ADGRG6: variants seen among roughly 807,000 people sequenced by gnomAD.
ADGRG6 encodes G-protein coupled receptor 126.
ADGRG6 carries 84 observed loss-of-function variants against 142.4 expected under a neutral mutation model. That is an observed-to-expected ratio of 0.59 (90% CI 0.49 to 0.71). ADGRG6 has a LOEUF of 0.71. ADGRG6 is among the 30% of genes least tolerant of loss of function. The probability of loss-of-function intolerance (pLI) is 0.00; values close to 1 mark genes in which losing one functional copy is unlikely to be tolerated. For synonymous variants in ADGRG6, 521 were observed against 520.5 expected (o/e 1.00, Z -0.01); for missense variants, 1,367 against 1,466.6 (o/e 0.93, Z 1.11).
intron 4 of ADGRG6, among the ~76,000 whole-genome samples, chr6:142,374,655 G>T (rs1445538799): frequency 6.6e-6 from 1 of 152,090 alleles, no homozygotes; most frequent in African/African-American, 2.4e-5. Flanking sequence ...CCTTTATACG[G>T]GCCAGGAAAC....
At chr6:142,389,605 T>C (rs953887353) in intron 6 of ADGRG6, among the ~76,000 whole-genome samples, 2 of 151,934 alleles carry the variant, frequency 1.3e-5, no homozygotes, top group African/African-American at 4.8e-5. Flanking sequence ...TTTTATTTTC[T>C]TTTTCAAGTG....
chr6:142,358,114 A>G (rs1424548477), intron 2 of ADGRG6, among the ~76,000 whole-genome samples: 1 of 152,206 alleles, frequency 6.6e-6, no homozygotes, highest in Non-Finnish European at 1.5e-5. Context: ...ATTAGCTTTT[A>G]TGAAGCTAAG....
At chr6:142,411,901 G>C (rs1776108230) in intron 18 of ADGRG6, among the ~76,000 whole-genome samples, 2 of 152,080 alleles carry the variant, frequency 1.3e-5, no homozygotes, top group Admixed American at 6.6e-5. Flanking sequence ...CTCCCTCCTA[G>C]AGATTGCAGT....
intron 24 of ADGRG6, among the ~76,000 whole-genome samples, chr6:142,440,345 C>T (rs1455346592): frequency 6.6e-6 from 1 of 151,982 alleles, no homozygotes. Context: ...GGCTGGAGTG[C>T]AAGGGCACAC....
rs779339683 is a variant in ADGRG6 at position 142,302,112 on chromosome 6, C to T, written c.-218C>T. Reference sequence around the variant, plus strand: ...GGGACCTGCCGCCAGCCTGCTTCCTCGTCCGCAGGCCCTGCGCTGAACGCT... The same window carrying T: ...GGGACCTGCCGCCAGCCTGCTTCCTTGTCCGCAGGCCCTGCGCTGAACGCT... On this transcript the variant is annotated 5_prime_UTR_variant, in exon 1 of 25. Transcript: ENST00000367609. 2 of 541,428 alleles carry T rather than the reference C, an allele frequency of 3.7e-6. No individual in the cohort carries two copies. The highest frequency in any genetic ancestry group is 6.5e-6 in the Non-Finnish European group (2 of 308,586). The allele number at this position is 541,428 out of a possible 1,614,324, so 33.5% of individuals were successfully genotyped here.
chr6:142,302,140 C>T lies in ADGRG6; in HGVS notation c.-190C>T. Reference sequence around the variant, plus strand: ...CCGCAGGCCCTGCGCTGAACGCTGCCGCGCCCAGGGTTCACCTTGCGCCGT... The same window carrying T: ...CCGCAGGCCCTGCGCTGAACGCTGCTGCGCCCAGGGTTCACCTTGCGCCGT... On this transcript the variant is annotated 5_prime_UTR_variant, in exon 1 of 25. Transcript: ENST00000367609. 1.6e-6 allele frequency: 1 copy of T among 606,846 alleles called. No individual in the cohort carries two copies. 37.6% of individuals were successfully genotyped at this position (606,846 alleles called of 1,614,324 possible). A position where few individuals can be genotyped will look rare whatever the true frequency, so the allele number is the denominator to read the frequency against.
intron 2 of ADGRG6, among the ~76,000 whole-genome samples, chr6:142,332,052 A>G (rs1045884926): frequency 2.0e-5 from 3 of 152,224 alleles, no homozygotes; most frequent in Admixed American, 6.5e-5. Context: ...TAAAATACAT[A>G]TCATTGATAC....
chr6:142,384,778 T>C (rs976127919), intron 6 of ADGRG6, among the ~76,000 whole-genome samples: 1 of 151,928 alleles, frequency 6.6e-6, no homozygotes, highest in African/African-American at 2.4e-5. Flanking sequence ...AGTTCATTTT[T>C]TCTTGGCTTC....
At chr6:142,357,917 A>G (rs962274427) in intron 2 of ADGRG6, among the ~76,000 whole-genome samples, 2 of 152,220 alleles carry the variant, frequency 1.3e-5, no homozygotes, top group African/African-American at 2.4e-5. Context: ...ATGCTTTGCT[A>G]TTTAATAACA....
At chr6:142,365,866 G>T (rs1258097387) in intron 2 of ADGRG6, among the ~76,000 whole-genome samples, 1 of 152,140 alleles carries the variant, frequency 6.6e-6, no homozygotes, top group African/African-American at 2.4e-5. Flanking sequence ...AGTATTTGTA[G>T]TAACTACCAT....
chr6:142,386,694 T>A (rs1782045025), intron 6 of ADGRG6, among the ~76,000 whole-genome samples: 1 of 152,218 alleles, frequency 6.6e-6, no homozygotes, highest in African/African-American at 2.4e-5. Context: ...ATTTTTGTTT[T>A]ACAGTAATTT....
rs147337454 is a variant in ADGRG6 at position 142,394,314 on chromosome 6, T to C, written c.1424+356T>C. On this transcript the variant is annotated intron_variant, in intron 9 of 24. Coordinates refer to ENST00000367609, the MANE Select transcript of ADGRG6 (RefSeq NM_198569.3). The stretch of plus-strand genomic sequence containing the variant: ...TAAAGTGTTTATATATGATAACATC[T>C]AATAATATGGATAATAGATGCCTAA... 2.4e-3 allele frequency among the ~76,000 whole-genome samples: 372 copies of C among 152,286 alleles called. 1 individual carries two copies. Among genetic ancestry groups the C allele is most frequent in the African/African-American group, 8.7e-3 (362 of 41,566 alleles).
rs1158087129 is a variant in ADGRG6, at chr6:142,302,092, C to G, written c.-238C>G. The G allele has an allele frequency of 1.9e-6, 1 of 532,494 alleles. No individual in the cohort carries two copies. The highest frequency in any genetic ancestry group is 2.0e-5 in the African/African-American group (1 of 51,128). The allele number at this position is 532,494 out of a possible 1,614,324, so 33.0% of individuals were successfully genotyped here. On this transcript the variant is annotated 5_prime_UTR_variant, in exon 1 of 25. Coordinates refer to ENST00000367609, the MANE Select transcript of ADGRG6 (RefSeq NM_198569.3). Reference sequence around the variant, plus strand: ...TGCCAACTTCCCTGCGAGGAGGGACCTGCCGCCAGCCTGCTTCCTCGTCCG... The same window carrying G: ...TGCCAACTTCCCTGCGAGGAGGGACGTGCCGCCAGCCTGCTTCCTCGTCCG...
Position 142,443,663 on chromosome 6 carries a change from G to C in ADGRG6, c.*148G>C. The C allele has an allele frequency of 1.9e-6, 1 of 537,278 alleles. No individual in the cohort carries two copies. Among genetic ancestry groups the C allele is most frequent in the Non-Finnish European group, 3.2e-6 (1 of 312,712 alleles). 33.3% of individuals were successfully genotyped at this position (537,278 alleles called of 1,614,324 possible). A position where few individuals can be genotyped will look rare whatever the true frequency, so the allele number is the denominator to read the frequency against. ...GTTAAGAAGGCTTTTGTGAAATTCA[G>C]AATTTTTCTTTTTAATATATTTCTT... On this transcript the variant is annotated 3_prime_UTR_variant, in exon 25 of 25. Transcript: ENST00000367609.
intron 2 of ADGRG6, among the ~76,000 whole-genome samples, chr6:142,328,598 A>G (rs977116155): frequency 6.6e-6 from 1 of 152,178 alleles, no homozygotes; most frequent in Admixed American, 6.6e-5. Flanking sequence ...GTACTCAACA[A>G]AATTTCTTCT....
In ADGRG6 at chr6:142,405,706, C is replaced by T. The variant is rs1775769420; in HGVS notation, c.2146C>T (p.Gln716Ter). 6.2e-7 allele frequency: 1 copy of T among 1,606,852 alleles called. No homozygotes were observed. The highest frequency in any genetic ancestry group is 1.3e-5 in the African/African-American group (1 of 74,770). Residue 716 changes from glutamine (Q) to a stop codon, truncating the protein, a stop_gained, in exon 15 of 25, where the codon CAA becomes TAA. Transcript: ENST00000367609. LOFTEE classifies it high-confidence loss of function. ...SYFQMDFESG[Q>*]VDPLASVILP... ...GTGACAGATGGATTTTGAGAGTGGA[C>T]AAGTGGATCCACTGGCATCTGTAAT...
Position 142,443,793 on chromosome 6 carries a change from A to G in ADGRG6, c.*278A>G, listed in dbSNP as rs541174318. The stretch of plus-strand genomic sequence containing the variant: ...AATATATAATTGAATCAGAGTAATC[A>G]TAATGCAGGGGAGACATTCAAATTA... On this transcript the variant is annotated 3_prime_UTR_variant, in exon 25 of 25. Coordinates refer to ENST00000367609, the MANE Select transcript of ADGRG6 (RefSeq NM_198569.3). 5.7e-4 allele frequency: 144 copies of G among 250,786 alleles called. 1 individual carries two copies. The highest frequency in any genetic ancestry group is 3.0e-3 in the African/African-American group (134 of 44,354). 15.5% of individuals were successfully genotyped at this position (250,786 alleles called of 1,614,324 possible).
intron 2 of ADGRG6, among the ~76,000 whole-genome samples, chr6:142,311,716 A>G (rs760627203): frequency 4.6e-5 from 7 of 151,882 alleles, no homozygotes; most frequent in Non-Finnish European, 8.8e-5. Flanking sequence ...TTTAAATGGT[A>G]TCTTGATGCC....
chr6:142,333,557 C>T (rs1180547284), intron 2 of ADGRG6, among the ~76,000 whole-genome samples: 1 of 152,002 alleles, frequency 6.6e-6, no homozygotes, highest in East Asian at 1.9e-4. Context: ...ACTGTGTTGC[C>T]CACGCTAGGC....
Sources: gnomAD v4.1 joint callset for allele counts (sites outside exome capture counted in the v4.1 genomes callset) on GRCh38, gnomAD v4.1.1 for gene constraint, MANE v1.5 for transcripts, NCBI Gene and HGNC (gene_info 2026-07-23, HGNC 2026-07-21) for gene names.